PDE10A: variants seen among roughly 807,000 people sequenced by gnomAD.
PDE10A encodes cAMP and cAMP-inhibited cGMP 3',5'-cyclic phosphodiesterase 10A.
A neutral mutation model predicts 97.7 loss-of-function variants in PDE10A; 39 were observed. That is an observed-to-expected ratio of 0.40 (90% CI 0.31 to 0.52). The LOEUF (loss-of-function observed/expected upper bound fraction) is 0.52. PDE10A is among the 20% of genes least tolerant of loss of function. The pLI, the probability that PDE10A is intolerant of heterozygous loss-of-function variation, is 0.56. For synonymous variants in PDE10A, 371 were observed against 376.8 expected, an observed-to-expected ratio of 0.98 and a Z score of 0.18; for missense variants, 731 against 1,047.8, an observed-to-expected ratio of 0.70 and a Z score of 4.17.
chr6:165,986,675 T>C (rs1174090726), intron 1 of PDE10A: 1 of 151,984 alleles, frequency 6.6e-6, no homozygotes, highest in African/African-American at 2.4e-5. Flanking sequence ...CCTCAGCGGA[T>C]TTCTTCCCCA....
At position 165,830,806 on chromosome 6, in the gene PDE10A, C is replaced by T. The variant is rs141538045; in HGVS notation, c.-615+156723G>A. Among the ~76,000 whole-genome samples, 912 of 152,310 alleles carry T rather than the reference C, an allele frequency of 6.0e-3. 14 individuals carry two copies. Among genetic ancestry groups the T allele is most frequent in the African/African-American group, 0.021 (860 of 41,564 alleles). ...CCCCATTTCTTGTGCCAATAACACA[C>T]GCTCTTTCAGAGTCAAACTGATGTG... On this transcript the variant is annotated intron_variant, in intron 1 of 19. Transcript: ENST00000366882.
At chr6:165,472,426 T>G (rs1285252130) in intron 3 of PDE10A, among the ~76,000 whole-genome samples, 1 of 152,148 alleles carries the variant, frequency 6.6e-6, no homozygotes, top group Admixed American at 6.5e-5. Flanking sequence ...AAGAGCTATC[T>G]TTTGTATTAT....
chr6:165,749,820 C>T (rs1156991471), intron 1 of PDE10A, among the ~76,000 whole-genome samples: 1 of 152,230 alleles, frequency 6.6e-6, no homozygotes, highest in African/African-American at 2.4e-5. Context: ...TGAAATGCCT[C>T]AAGTTTCCAC....
At chr6:165,833,132 A>G (rs1346967859) in intron 1 of PDE10A, among the ~76,000 whole-genome samples, 1 of 152,232 alleles carries the variant, frequency 6.6e-6, no homozygotes, top group Non-Finnish European at 1.5e-5. Flanking sequence ...TTATAAAATG[A>G]CATTCATGGA....
At chr6:165,832,477 G>C (rs1178030121) in intron 1 of PDE10A, among the ~76,000 whole-genome samples, 1 of 152,122 alleles carries the variant, frequency 6.6e-6, no homozygotes, top group Non-Finnish European at 1.5e-5. Flanking sequence ...GAAGCACATT[G>C]AGTGGGGACC....
chr6:165,905,254 G>T (rs940663407), intron 1 of PDE10A, among the ~76,000 whole-genome samples: 1 of 152,096 alleles, frequency 6.6e-6, no homozygotes, highest in African/African-American at 2.4e-5. Context: ...TTGGAGAAAT[G>T]AAATTTTGTA....
At position 165,845,404 on chromosome 6, in the gene PDE10A, A is replaced by G. The variant is rs1780386591; in HGVS notation, c.-615+142125T>C. On this transcript the variant is annotated intron_variant, in intron 1 of 19. Coordinates refer to the PDE10A transcript ENST00000366882. ...AATTTACACCAAAATGTCGAAGGTC[A>G]AGGTTATGATGGCTGCGTTCATGCA... is the stretch of plus-strand genomic sequence containing the variant. Among the ~76,000 whole-genome samples, 4 of 152,270 alleles carry G rather than the reference A, an allele frequency of 2.6e-5. No individual in the cohort carries two copies. The South Asian group carries it at 8.3e-4, about 31-fold the overall frequency.
chr6:165,470,255 T>C (rs997107898), intron 3 of PDE10A, among the ~76,000 whole-genome samples: 4 of 152,054 alleles, frequency 2.6e-5, no homozygotes, highest in African/African-American at 9.7e-5. Flanking sequence ...AAACAAACCA[T>C]ACACAAACCA....
At chr6:165,607,362 G>C (rs868689457) in intron 1 of PDE10A, among the ~76,000 whole-genome samples, 1 of 152,188 alleles carries the variant, frequency 6.6e-6, no homozygotes, top group African/African-American at 2.4e-5. Context: ...GACTGATGAC[G>C]CAGTAGCCTT....
At chr6:165,432,154 G>A (rs1789620994) in intron 7 of PDE10A, among the ~76,000 whole-genome samples, 1 of 152,150 alleles carries the variant, frequency 6.6e-6, no homozygotes. Context: ...GTACTTCAGG[G>A]AGAAGGACAA....
At chr6:165,588,281 CTTTTTTTTTTT>C (rs1216263426) in intron 1 of PDE10A, among the ~76,000 whole-genome samples, 2 of 37,034 alleles carry the variant, frequency 5.4e-5, no homozygotes, top group African/African-American at 1.1e-4. Context: ...ATTTTTTTTT[CTTTTTTTTTTT>C]TTTTTTTTTT....
chr6:165,969,872 T>C (rs750465093), intron 1 of PDE10A, among the ~76,000 whole-genome samples: 4 of 152,188 alleles, frequency 2.6e-5, no homozygotes, highest in Non-Finnish European at 4.4e-5. Context: ...AAGTGAATAA[T>C]TGAAGAAGTT....
intron 2 of PDE10A, among the ~76,000 whole-genome samples, chr6:165,503,431 G>A (rs181645714): frequency 2.3e-4 from 35 of 152,242 alleles, no homozygotes; most frequent in African/African-American, 7.5e-4. Flanking sequence ...TGGCAATAGG[G>A]AGTTTTAACC....
At chr6:165,946,278 C>G (rs964872970) in intron 1 of PDE10A, among the ~76,000 whole-genome samples, 1 of 152,084 alleles carries the variant, frequency 6.6e-6, no homozygotes, top group African/African-American at 2.4e-5. Context: ...GGGTGGATCA[C>G]GAGGTCAGGA....
intron 1 of PDE10A, chr6:165,754,078 A>C (rs1393312331): frequency 6.6e-6 from 1 of 152,226 alleles, no homozygotes; most frequent in Non-Finnish European, 1.5e-5. Flanking sequence ...AAGAGAAAAC[A>C]AGCCACAAGT....
At chr6:165,524,998 T>G (rs1157429587) in intron 2 of PDE10A, among the ~76,000 whole-genome samples, 1 of 152,116 alleles carries the variant, frequency 6.6e-6, no homozygotes, top group African/African-American at 2.4e-5. Context: ...TCTCAGGAGA[T>G]AAACCCTGCA....
intron 1 of PDE10A, among the ~76,000 whole-genome samples, chr6:165,704,553 A>G (rs144631783): frequency 0.02 from 3,003 of 152,282 alleles, 125 homozygotes; most frequent in African/African-American, 0.068. Flanking sequence ...AACTCTGTAG[A>G]GAGGTTTCAG....
At chr6:165,760,530 G>C (rs1793225291) in intron 1 of PDE10A, among the ~76,000 whole-genome samples, 1 of 152,166 alleles carries the variant, frequency 6.6e-6, no homozygotes, top group Non-Finnish European at 1.5e-5. Flanking sequence ...CATAACACCA[G>C]GTAAGAGGTT....
intron 18 of PDE10A, among the ~76,000 whole-genome samples, chr6:165,377,021 C>G (rs891041025): frequency 1.3e-5 from 2 of 152,158 alleles, no homozygotes; most frequent in African/African-American, 4.8e-5. Context: ...AGACCCTTCA[C>G]CAGTAAAAAG....
Sources: allele counts gnomAD v4.1 joint callset (sites outside exome capture counted in the v4.1 genomes callset), GRCh38; gene constraint gnomAD v4.1.1; transcripts MANE v1.5; gene names NCBI Gene and HGNC (gene_info 2026-07-23, HGNC 2026-07-21).